Variants in MAN1A1 observed in about 807,000 individuals in gnomAD.
MAN1A1 encodes the protein mannosidase alpha class 1A member 1.
Under a neutral mutation model 70.8 loss-of-function variants are expected in MAN1A1, and 29 were observed. The ratio of observed to expected loss-of-function variants is 0.41; its 90% CI spans 0.31 to 0.56. The LOEUF (loss-of-function observed/expected upper bound fraction) is 0.56, where lower values mean the gene tolerates loss of function less well. MAN1A1 is among the 20% of genes least tolerant of loss of function. The pLI is 0.29. For missense variants in MAN1A1, 747 were observed against 841.3 expected (o/e 0.89, Z 1.39); for synonymous variants, 349 against 330.1 (o/e 1.06, Z -0.62).
chr6:119,297,019 TA>T (rs1401834985), intron 4 of MAN1A1, among the ~76,000 whole-genome samples: 3 of 152,212 alleles, frequency 2.0e-5, no homozygotes, highest in Non-Finnish European at 4.4e-5. Flanking sequence ...ACATATTCCA[TA>T]AAATTCATTA....
chr6:119,213,693 C>G (rs1294072922), intron 6 of MAN1A1, among the ~76,000 whole-genome samples: 3 of 152,206 alleles, frequency 2.0e-5, no homozygotes, highest in Admixed American at 6.5e-5. Flanking sequence ...TTTACTACCA[C>G]CAGCGCTCCC....
chr6:119,311,880 A>G (rs1187015183), intron 2 of MAN1A1, among the ~76,000 whole-genome samples: 6 of 152,182 alleles, frequency 3.9e-5, no homozygotes, highest in African/African-American at 1.4e-4. Flanking sequence ...CAGAACGTGT[A>G]AGGCAGGCTC....
At chr6:119,190,067 T>C (rs1773401445) in intron 9 of MAN1A1, among the ~76,000 whole-genome samples, 184 bp from the exon 10 acceptor site, 1 of 152,222 alleles carries the variant, frequency 6.6e-6, no homozygotes, top group African/African-American at 2.4e-5. Flanking sequence ...TTATGCCTTA[T>C]TTGTTTGATT....
intron 5 of MAN1A1, among the ~76,000 whole-genome samples, chr6:119,279,739 C>T (rs114144988): frequency 1.3e-3 from 198 of 152,292 alleles, no homozygotes; most frequent in African/African-American, 4.5e-3. Flanking sequence ...TCTCATATTG[C>T]AAAGGATGCC....
At chr6:119,212,459 CTG>C (rs1183098242) in intron 6 of MAN1A1, among the ~76,000 whole-genome samples, 1 of 152,152 alleles carries the variant, frequency 6.6e-6, no homozygotes, top group African/African-American at 2.4e-5. Flanking sequence ...CAACTTAAGA[CTG>C]AGCCAGTCAG....
chr6:119,193,717 A>T, intron 9 of MAN1A1, 60 bp downstream of exon 9: 2 of 1,160,790 alleles, frequency 1.7e-6, no homozygotes, highest in Non-Finnish European at 2.5e-6. Context: ...TTAAAACTTG[A>T]TTAATATACA....
intron 5 of MAN1A1, among the ~76,000 whole-genome samples, chr6:119,271,877 T>C (rs1426350769): frequency 2.6e-5 from 4 of 152,170 alleles, no homozygotes; most frequent in Admixed American, 6.5e-5. Flanking sequence ...AGAGATCTAG[T>C]AAGGGCCTCA....
chr6:119,319,390 A>AATCATCATCATC (rs759313732), intron 2 of MAN1A1, among the ~76,000 whole-genome samples: 2 of 143,720 alleles, frequency 1.4e-5, no homozygotes, highest in African/African-American at 5.1e-5. Context: ...TAATAATAAT[A>AATCATCATCATC]ATCATCATCA....
chr6:119,204,694 C>T, intron 7 of MAN1A1, 65 bp downstream of exon 7: 1 of 1,577,372 alleles, frequency 6.3e-7, no homozygotes, highest in Non-Finnish European at 8.6e-7. Flanking sequence ...CCTAAACCTT[C>T]TCAGAGACAA....
intron 2 of MAN1A1, among the ~76,000 whole-genome samples, chr6:119,308,153 A>G (rs1350586740): frequency 6.6e-6 from 1 of 152,164 alleles, no homozygotes; most frequent in Non-Finnish European, 1.5e-5. Flanking sequence ...GAGATGAAGA[A>G]ACTGAGGTTT....
chr6:119,202,241 T>G (rs969611119), intron 7 of MAN1A1, among the ~76,000 whole-genome samples: 1 of 152,180 alleles, frequency 6.6e-6, no homozygotes, highest in Non-Finnish European at 1.5e-5. Context: ...CTATTTAAAA[T>G]TTCTTTTTAA....
intron 8 of MAN1A1, among the ~76,000 whole-genome samples, chr6:119,200,097 A>G (rs1773676571): frequency 6.6e-6 from 1 of 152,234 alleles, no homozygotes; most frequent in Non-Finnish European, 1.5e-5. Flanking sequence ...AAGCAGAGGC[A>G]GAAAGAGAGA....
At chr6:119,186,533 T>C (rs897931703) in intron 11 of MAN1A1, among the ~76,000 whole-genome samples, 43 of 152,108 alleles carry the variant, frequency 2.8e-4, no homozygotes, top group Admixed American at 2.0e-4. Flanking sequence ...CCAGAATGAT[T>C]CTTGAAGGAA....
In MAN1A1 at chr6:119,260,885, T is replaced by C. The variant is rs1016448251; in HGVS notation, c.898-12531A>G. Among the ~76,000 whole-genome samples the C allele has an allele frequency of 2.0e-5, 3 of 152,188 alleles. No individual in the cohort carries two copies. The South Asian group carries it at 6.2e-4, about 32-fold the overall frequency. ...ATAGTTTGGCAGGCAAATGCCTCTT[T>C]AGAATACAAACACAAATAATAACAA... On this transcript the variant is annotated intron_variant, in intron 5 of 12. Coordinates refer to ENST00000368468, the MANE Select transcript of MAN1A1 (RefSeq NM_005907.4).
Position 119,178,694 on chromosome 6 carries a change from C to T in MAN1A1, c.*1125G>A, listed in dbSNP as rs1773068345. 1 of 151,998 alleles carries T rather than the reference C, an allele frequency of 6.6e-6. No individual in the cohort carries two copies. Among genetic ancestry groups the T allele is most frequent in the South Asian group, 2.1e-4 (1 of 4,834 alleles). The allele number at this position is 151,998 out of a possible 1,614,324, so 9.4% of individuals were successfully genotyped here. A position where few individuals can be genotyped will look rare whatever the true frequency, so the allele number is the denominator to read the frequency against. ...ATAACCATACTAAATATGCTATATTCTTATTTGGCCTAAAATTTATTAGAT... is the reference window on the plus strand; with the variant it reads ...ATAACCATACTAAATATGCTATATTTTTATTTGGCCTAAAATTTATTAGAT... On this transcript the variant is annotated 3_prime_UTR_variant, in exon 13 of 13. Transcript: ENST00000368468.
At chr6:119,272,121 C>T (rs1775941123) in intron 5 of MAN1A1, among the ~76,000 whole-genome samples, 1 of 152,138 alleles carries the variant, frequency 6.6e-6, no homozygotes, top group South Asian at 2.1e-4. Context: ...CAATTCCTAT[C>T]ATGAATAGTC....
At chr6:119,282,230 AT>A (rs1356774251) in intron 5 of MAN1A1, among the ~76,000 whole-genome samples, 1 of 152,218 alleles carries the variant, frequency 6.6e-6, no homozygotes, top group African/African-American at 2.4e-5. Context: ...TACTAGTGAA[AT>A]GTAGAAATGT....
chr6:119,216,660 T>G (rs1439444313), intron 6 of MAN1A1, among the ~76,000 whole-genome samples: 1 of 152,212 alleles, frequency 6.6e-6, no homozygotes, highest in Non-Finnish European at 1.5e-5. Flanking sequence ...AAAGATCAAT[T>G]TGTTCAATTT....
At chr6:119,234,626 G>A (rs1774789531) in intron 6 of MAN1A1, among the ~76,000 whole-genome samples, 1 of 152,032 alleles carries the variant, frequency 6.6e-6, no homozygotes, top group Admixed American at 6.6e-5. Flanking sequence ...TGTTGCCTAG[G>A]CTGCTGTTGA....
Sources: allele counts gnomAD v4.1 joint callset (sites outside exome capture counted in the v4.1 genomes callset), GRCh38; gene constraint gnomAD v4.1.1; transcripts MANE v1.5; gene names NCBI Gene and HGNC (gene_info 2026-07-23, HGNC 2026-07-21).